The following FOXP1 variants were observed in gnomAD, a reference collection of about 807,000 sequenced individuals.
The protein encoded by FOXP1 is forkhead box protein P1.
A neutral mutation model predicts 98.2 loss-of-function variants in FOXP1; 15 were observed. That is an observed-to-expected ratio of 0.15 (90% CI 0.10 to 0.24). The LOEUF (loss-of-function observed/expected upper bound fraction) is 0.24, where lower values mean the gene tolerates loss of function less well. Among genes scored for constraint, FOXP1 ranks in the 10% least tolerant of loss-of-function variants. The probability of loss-of-function intolerance (pLI) is 1.00; values close to 1 mark genes in which losing one functional copy is unlikely to be tolerated. For synonymous variants in FOXP1, 371 were observed against 314.5 expected, an observed-to-expected ratio of 1.18 and a Z score of -1.90; for missense variants, 633 against 848.5, an observed-to-expected ratio of 0.75 and a Z score of 3.15.
At chr3:71,571,358 A>C (rs1243422843) in intron 2 of FOXP1, 1 of 152,200 alleles carries the variant, frequency 6.6e-6, no homozygotes, top group Non-Finnish European at 1.5e-5. Context: ...GTTAATGCAG[A>C]CTAGTCATTT....
At chr3:71,470,609 C>T (rs769302379) in intron 3 of FOXP1, among the ~76,000 whole-genome samples, 9 of 152,026 alleles carry the variant, frequency 5.9e-5, no homozygotes, top group Admixed American at 2.0e-4. Flanking sequence ...ACGTGGTGTG[C>T]GCTCCTGTAG....
Position 71,510,051 on chromosome 3 carries a change from G to T in FOXP1, c.-297-16496C>A, listed in dbSNP as rs1488379069. Among the ~76,000 whole-genome samples the T allele has an allele frequency of 2.6e-5, 4 of 151,936 alleles. No individual in the cohort carries two copies. The East Asian group carries it at 7.8e-4, about 29-fold the overall frequency. ...AAAATTAGCCAGGCGTGTGGTGGCA[G>T]GCACCTGTAATCCCAGCTACCAGGG... On this transcript the variant is annotated intron_variant, in intron 2 of 20. Transcript: ENST00000649528.
chr3:71,318,171 T>C (rs77637716), intron 4 of FOXP1, among the ~76,000 whole-genome samples: 4 of 119,024 alleles, frequency 3.4e-5, no homozygotes, highest in African/African-American at 9.3e-5. Flanking sequence ...TTTTTTTTTT[T>C]CCTTCTTTTT....
intron 6 of FOXP1, among the ~76,000 whole-genome samples, chr3:71,174,242 G>A (rs1286277028): frequency 6.6e-6 from 1 of 152,096 alleles, no homozygotes; most frequent in Non-Finnish European, 1.5e-5. Flanking sequence ...TTACTGTGGA[G>A]GGGGGAAAAA....
intron 19 of FOXP1, chr3:70,970,332 A>G (rs1379104128): frequency 4.9e-6 from 1 of 205,356 alleles, no homozygotes; most frequent in Admixed American, 5.3e-5. Flanking sequence ...AAAAAGAAAT[A>G]CAAAGCCCTG....
chr3:71,236,476 T>C (rs140636703), intron 5 of FOXP1, among the ~76,000 whole-genome samples: 5 of 152,180 alleles, frequency 3.3e-5, no homozygotes, highest in African/African-American at 1.2e-4. Flanking sequence ...TACAGAGATA[T>C]CATGTAGATT....
At chr3:71,114,149 A>G (rs1231551399) in intron 6 of FOXP1, among the ~76,000 whole-genome samples, 1 of 152,240 alleles carries the variant, frequency 6.6e-6, no homozygotes, top group Non-Finnish European at 1.5e-5. Context: ...ACCTGAAGCT[A>G]TAGCCTTAGA....
At chr3:71,409,208 T>C in intron 3 of FOXP1, among the ~76,000 whole-genome samples, 1 of 152,164 alleles carries the variant, frequency 6.6e-6, no homozygotes, top group Non-Finnish European at 1.5e-5. Flanking sequence ...AAACAGCACA[T>C]TCCTCACCCA....
intron 3 of FOXP1, among the ~76,000 whole-genome samples, chr3:71,473,728 T>C (rs2089568221): frequency 6.6e-6 from 1 of 150,426 alleles, no homozygotes; most frequent in Non-Finnish European, 1.5e-5. Flanking sequence ...TGATCCTCAA[T>C]TGGGAGTTAG....
chr3:71,552,248 A>T (rs2045834216), intron 2 of FOXP1, among the ~76,000 whole-genome samples: 1 of 152,284 alleles, frequency 6.6e-6, no homozygotes, highest in East Asian at 1.9e-4. Context: ...CAAATTTCTT[A>T]GTTTTTGGAA....
At chr3:71,351,369 A>G (rs1303750391) in intron 4 of FOXP1, among the ~76,000 whole-genome samples, 2 of 152,228 alleles carry the variant, frequency 1.3e-5, no homozygotes, top group East Asian at 1.9e-4. Context: ...TAAGGCACCG[A>G]CACTTTAGAA....
chr3:71,482,234 T>C (rs1429688304), intron 3 of FOXP1, among the ~76,000 whole-genome samples: 1 of 152,216 alleles, frequency 6.6e-6, no homozygotes. Flanking sequence ...GTAATCTTTA[T>C]AGTTTTCCTT....
chr3:71,453,935 A>G (rs2087190883), intron 3 of FOXP1, among the ~76,000 whole-genome samples: 1 of 152,228 alleles, frequency 6.6e-6, no homozygotes, highest in Non-Finnish European at 1.5e-5. Flanking sequence ...GTGTCTTAAG[A>G]CAATGAACAC....
chr3:71,321,432 C>T (rs13075917), intron 4 of FOXP1, among the ~76,000 whole-genome samples: 20,218 of 151,968 alleles, frequency 0.13, 1,646 homozygotes, highest in Non-Finnish European at 0.19. Flanking sequence ...ATTTAAGTGA[C>T]CATGGAATAA....
Position 71,150,549 on chromosome 3 carries a change from G to A in FOXP1, c.181-37912C>T, listed in dbSNP as rs115386407. 3.9e-3 allele frequency among the ~76,000 whole-genome samples: 587 copies of A among 152,134 alleles called. 4 individuals carry two copies. The highest frequency in any genetic ancestry group is 0.013 in the African/African-American group (546 of 41,494). On this transcript the variant is annotated intron_variant, in intron 6 of 20. Transcript: ENST00000649528. ...TCATCGAGACCTTTTTGATCTCTGTGAGTGAAAATTAATCCTTAACACCCT... is the reference window on the plus strand; with the variant it reads ...TCATCGAGACCTTTTTGATCTCTGTAAGTGAAAATTAATCCTTAACACCCT...
chr3:71,121,604 T>C (rs749022178), intron 6 of FOXP1, among the ~76,000 whole-genome samples: 1 of 151,908 alleles, frequency 6.6e-6, no homozygotes, highest in Non-Finnish European at 1.5e-5. Flanking sequence ...ACACCAAGTC[T>C]CCGGCACCTG....
chr3:71,377,705 C>T (rs947570687), intron 3 of FOXP1, among the ~76,000 whole-genome samples: 15 of 152,166 alleles, frequency 9.9e-5, no homozygotes, highest in Admixed American at 7.2e-4. Context: ...CATGTTGATA[C>T]TGGAAGGCAA....
intron 5 of FOXP1, among the ~76,000 whole-genome samples, chr3:71,252,210 CA>C (rs2068254961): frequency 6.6e-6 from 1 of 152,200 alleles, no homozygotes; most frequent in Non-Finnish European, 1.5e-5. Flanking sequence ...CCTGGTGCTT[CA>C]GCAGCCATCT....
At chr3:70,992,151 T>A (rs935443164) in intron 13 of FOXP1, among the ~76,000 whole-genome samples, 1 of 152,166 alleles carries the variant, frequency 6.6e-6, no homozygotes, top group Non-Finnish European at 1.5e-5. Context: ...ACTCCAACAG[T>A]GAGGCTTGGA....
Sources: allele counts gnomAD v4.1 joint callset (sites outside exome capture counted in the v4.1 genomes callset), GRCh38; gene constraint gnomAD v4.1.1; transcripts MANE v1.5; gene names NCBI Gene and HGNC (gene_info 2026-07-23, HGNC 2026-07-21).